Variants in RTL4 observed in about 807,000 individuals in gnomAD.
RTL4 encodes retrotransposon Gag like 4, also known as retrotransposon Gag-like protein 4.
Under a neutral mutation model 5.3 loss-of-function variants are expected in RTL4, and 4 were observed. That is an observed-to-expected ratio of 0.75 (90% CI 0.37 to 1.72). The LOEUF (loss-of-function observed/expected upper bound fraction) is 1.72, where lower values mean the gene tolerates loss of function less well. Ranked by LOEUF, RTL4 falls within the 40% of genes most tolerant of loss-of-function variation. The pLI is 0.04. For missense variants in RTL4, 260 were observed against 227.1 expected (o/e 1.14, Z -0.93); for synonymous variants, 98 against 87.3 (o/e 1.12, Z -0.68).
the RTL4 span, among the ~76,000 whole-genome samples, chrX:112,366,346 T>G: frequency 1.8e-5 from 2 of 111,723 alleles, no homozygotes; most frequent in African/African-American, 6.5e-5. Flanking sequence ...ACCATCATCA[T>G]TATGTACAAG....
At chrX:112,434,429 T>C in the RTL4 span, among the ~76,000 whole-genome samples, 2 of 111,693 alleles carry the variant, frequency 1.8e-5, no homozygotes, top group African/African-American at 3.3e-5. Context: ...TTGGTCTATT[T>C]AGAGATTCAA....
the RTL4 span, among the ~76,000 whole-genome samples, chrX:112,133,946 T>C: frequency 1.8e-5 from 2 of 111,879 alleles, no homozygotes; most frequent in Non-Finnish European, 3.8e-5. Context: ...TCCTAATCCA[T>C]GCTAGAGCTA....
the RTL4 span, among the ~76,000 whole-genome samples, chrX:112,421,219 A>G: frequency 8.9e-6 from 1 of 111,904 alleles, no homozygotes; most frequent in Non-Finnish European, 1.9e-5. Flanking sequence ...GGATTTGTCA[A>G]GACTATTGAC....
At chrX:112,217,618 TGTG>T in the RTL4 span, among the ~76,000 whole-genome samples, 1 of 111,774 alleles carries the variant, frequency 8.9e-6, no homozygotes, top group Non-Finnish European at 1.9e-5. Context: ...GAGTAGTAAA[TGTG>T]ATGATGTACA....
At chrX:112,348,561 A>G in the RTL4 span, among the ~76,000 whole-genome samples, 1 of 109,909 alleles carries the variant, frequency 9.1e-6, no homozygotes, top group Non-Finnish European at 1.9e-5. Context: ...AGTAACACAA[A>G]CCTACCATGA....
At chrX:112,309,912 A>G in the RTL4 span, among the ~76,000 whole-genome samples, 433 of 104,201 alleles carry the variant, frequency 4.2e-3, 1 homozygote, top group African/African-American at 0.014. Context: ...GTGTGTGTGT[A>G]TATATATATG....
exon 1 of RTL4, chrX:112,456,504 T>C (rs918788499): frequency 3.3e-6 from 1 of 303,386 alleles, no homozygotes; most frequent in Non-Finnish European, 6.0e-6. Context: ...CAAGTCAATA[T>C]GCTCTAGGAT....
At chrX:112,099,444 A>C in the RTL4 span, among the ~76,000 whole-genome samples, 1 of 111,448 alleles carries the variant, frequency 9.0e-6, no homozygotes, top group East Asian at 2.9e-4. Flanking sequence ...TGAAGGATGA[A>C]TCAAAGTGTG....
the RTL4 span, among the ~76,000 whole-genome samples, chrX:112,408,243 G>T: frequency 9.0e-6 from 1 of 110,995 alleles, no homozygotes; most frequent in Non-Finnish European, 1.9e-5. Context: ...GAAACTCAAA[G>T]AAATTCCAGG....
At chrX:112,325,033 T>A in the RTL4 span, among the ~76,000 whole-genome samples, 1 of 111,412 alleles carries the variant, frequency 9.0e-6, no homozygotes, top group Admixed American at 9.6e-5. Flanking sequence ...AAATCATGAG[T>A]GAACTCCCAT....
At chrX:112,321,496 C>G in the RTL4 span, among the ~76,000 whole-genome samples, 1 of 103,735 alleles carries the variant, frequency 9.6e-6, no homozygotes, top group Admixed American at 1.0e-4. Flanking sequence ...AGATCATGCC[C>G]CTGCACTCCA....
chrX:112,316,542 T>A, the RTL4 span, among the ~76,000 whole-genome samples: 1 of 111,875 alleles, frequency 8.9e-6, no homozygotes, highest in Non-Finnish European at 1.9e-5. Flanking sequence ...CGCTATGCAA[T>A]ATATCCATGT....
chrX:112,155,551 T>G, the RTL4 span, among the ~76,000 whole-genome samples: 6 of 111,215 alleles, frequency 5.4e-5, no homozygotes, highest in African/African-American at 2.0e-4. Context: ...TCCCTTCCAG[T>G]GGCCACTAGC....
chrX:112,149,901 A>C, the RTL4 span, among the ~76,000 whole-genome samples: 1 of 111,901 alleles, frequency 8.9e-6, no homozygotes, highest in South Asian at 3.8e-4. Flanking sequence ...TATTTTAAGA[A>C]GTAAGGTGGA....
At chrX:112,222,828 C>G in the RTL4 span, among the ~76,000 whole-genome samples, 1 of 112,429 alleles carries the variant, frequency 8.9e-6, no homozygotes, top group African/African-American at 3.2e-5. Context: ...CAAGAAGATC[C>G]CCTGCCCCTG....
At chrX:112,433,780 G>A in the RTL4 span, among the ~76,000 whole-genome samples, 2,368 of 24,345 alleles carry the variant, frequency 0.097, 155 homozygotes, top group African/African-American at 0.2. Flanking sequence ...TTGAATAGGA[G>A]TGGTGAGAGA....
chrX:112,426,606 A>G, the RTL4 span, among the ~76,000 whole-genome samples: 1 of 111,485 alleles, frequency 9.0e-6, no homozygotes, highest in Non-Finnish European at 1.9e-5. Flanking sequence ...TTAAAGATTT[A>G]TACCTAAGTA....
the RTL4 span, among the ~76,000 whole-genome samples, chrX:112,225,883 G>C: frequency 8.9e-6 from 1 of 111,903 alleles, no homozygotes; most frequent in Non-Finnish European, 1.9e-5. Context: ...TTGTGCAATG[G>C]TGTACTCGTT....
At chrX:112,151,672 A>G in the RTL4 span, among the ~76,000 whole-genome samples, 1 of 112,046 alleles carries the variant, frequency 8.9e-6, no homozygotes, top group East Asian at 2.8e-4. Flanking sequence ...TTTGCCCTAT[A>G]CGTTCCCCTG....
Sources: gnomAD v4.1 joint callset for allele counts (sites outside exome capture counted in the v4.1 genomes callset) on GRCh38, gnomAD v4.1.1 for gene constraint, MANE v1.5 for transcripts, NCBI Gene and HGNC (gene_info 2026-07-23, HGNC 2026-07-21) for gene names.